The following HSD11B1 variants were observed in gnomAD, a reference collection of about 807,000 sequenced individuals.
The protein encoded by HSD11B1 is hydroxysteroid 11-beta dehydrogenase 1.
In HSD11B1, 15 loss-of-function variants were observed where a neutral mutation model predicts 22.1. That is an observed-to-expected ratio of 0.68 (90% CI 0.45 to 1.04). The LOEUF is 1.04. HSD11B1 is among the 50% of genes least tolerant of loss of function. HSD11B1 has a pLI of 0.00. For synonymous variants in HSD11B1, 122 were observed against 125.2 expected (o/e 0.97, Z 0.17); for missense variants, 281 against 357.6 (o/e 0.79, Z 1.73).
intron 4 of HSD11B1, among the ~76,000 whole-genome samples, chr1:209,720,161 C>T (rs2076956604): frequency 6.6e-6 from 1 of 151,948 alleles, no homozygotes; most frequent in African/African-American, 2.4e-5. Flanking sequence ...CTGATTATGA[C>T]AGGGAAAAGA....
chr1:209,725,336 CCTAT>C (rs553366895), intron 4 of HSD11B1, among the ~76,000 whole-genome samples: 3 of 152,182 alleles, frequency 2.0e-5, no homozygotes, highest in Non-Finnish European at 4.4e-5. Context: ...CTTCTCACTG[CCTAT>C]CTAACTCCTG....
Position 209,706,660 on chromosome 1 carries a change from C to T in HSD11B1, c.220-49C>T, listed in dbSNP as rs1217445448. On this transcript the variant is annotated intron_variant, in intron 2 of 5. Transcript: ENST00000367027. The surrounding 1 kb of genome is among the most constrained non-coding windows in gnomAD (Gnocchi z 4.0). ...CCCCCGTTACTTCAGAGACTACCCC[C>T]CAAAAATCTGCAGCTAAGACTGATG... 2.3e-6 allele frequency: 3 copies of T among 1,319,072 alleles called. No homozygotes were observed. Among genetic ancestry groups the T allele is most frequent in the African/African-American group, 2.9e-5 (2 of 69,204 alleles). The allele number at this position is 1,319,072 out of a possible 1,614,324, so 81.7% of individuals were successfully genotyped here.
chr1:209,733,055 A>G (rs1279512147), intron 5 of HSD11B1, among the ~76,000 whole-genome samples: 2 of 152,174 alleles, frequency 1.3e-5, no homozygotes, highest in East Asian at 3.9e-4. Flanking sequence ...TTTGATTACC[A>G]AGGTGGCTGA....
intron 1 of HSD11B1, among the ~76,000 whole-genome samples, chr1:209,693,804 T>C (rs1161080480): frequency 6.6e-6 from 1 of 152,218 alleles, no homozygotes; most frequent in South Asian, 2.1e-4. Context: ...CTCAAAATTG[T>C]GGACCAGTAA....
At chr1:209,717,843 G>T (rs2076939163) in intron 4 of HSD11B1, among the ~76,000 whole-genome samples, 1 of 135,258 alleles carries the variant, frequency 7.4e-6, no homozygotes, top group African/African-American at 3.0e-5. Context: ...CTGCACTCCA[G>T]CCTGGGAGAC....
At chr1:209,713,338 T>C (rs1388600246) in intron 4 of HSD11B1, among the ~76,000 whole-genome samples, 1 of 152,212 alleles carries the variant, frequency 6.6e-6, no homozygotes, top group Non-Finnish European at 1.5e-5. Flanking sequence ...CAATGAATGA[T>C]TTTTGTTTTT....
chr1:209,695,490 T>C (rs1419089025), intron 1 of HSD11B1, among the ~76,000 whole-genome samples: 3 of 152,246 alleles, frequency 2.0e-5, no homozygotes, highest in East Asian at 3.9e-4. Flanking sequence ...ATAACAGTCA[T>C]TGGAGAACAG....
At position 209,706,631 on chromosome 1, in the gene HSD11B1, A is replaced by T; in HGVS notation, c.220-78A>T. ...CAGGGCTGTGAGCAATCTCTCATTT[A>T]AGCCCCCCGTTACTTCAGAGACTAC... On this transcript the variant is annotated intron_variant, in intron 2 of 5. Transcript: ENST00000367027. The surrounding 1 kb of genome is among the most constrained non-coding windows in gnomAD (Gnocchi z 4.0). The T allele has an allele frequency of 1.1e-6, 1 of 911,424 alleles. No homozygotes were observed. The highest frequency in any genetic ancestry group is 1.8e-6 in the Non-Finnish European group (1 of 541,056). 56.5% of individuals were successfully genotyped at this position (911,424 alleles called of 1,614,324 possible).
At chr1:209,720,919 T>C (rs1420416575) in intron 4 of HSD11B1, among the ~76,000 whole-genome samples, 3 of 152,174 alleles carry the variant, frequency 2.0e-5, no homozygotes, top group Non-Finnish European at 4.4e-5. Flanking sequence ...AAGTTAAGGA[T>C]CTTGTGATGA....
intron 4 of HSD11B1, among the ~76,000 whole-genome samples, chr1:209,714,229 T>C (rs2076916221): frequency 6.6e-6 from 1 of 152,172 alleles, no homozygotes; most frequent in African/African-American, 2.4e-5. Flanking sequence ...ACAACCTAAG[T>C]AGCAACAAAC....
chr1:209,710,600 A>G (rs2076888728), intron 4 of HSD11B1, among the ~76,000 whole-genome samples: 1 of 152,242 alleles, frequency 6.6e-6, no homozygotes, highest in Non-Finnish European at 1.5e-5. Flanking sequence ...AATACTACTC[A>G]TAACTACTAA....
chr1:209,725,472 T>C, intron 4 of HSD11B1, among the ~76,000 whole-genome samples: 1 of 152,220 alleles, frequency 6.6e-6, no homozygotes, highest in East Asian at 1.9e-4. Context: ...AATATCATTC[T>C]TTACCTAAAC....
At chr1:209,729,091 G>T (rs1468069868) in intron 4 of HSD11B1, among the ~76,000 whole-genome samples, 1 of 152,170 alleles carries the variant, frequency 6.6e-6, no homozygotes, top group East Asian at 1.9e-4. Flanking sequence ...AGGCATAGTG[G>T]CTCATGCCTG....
At chr1:209,695,829 A>C (rs1341874038) in intron 1 of HSD11B1, among the ~76,000 whole-genome samples, 1 of 152,328 alleles carries the variant, frequency 6.6e-6, no homozygotes, top group Middle Eastern at 3.4e-3. Context: ...AAAGTTAAAC[A>C]TAAATTTACC....
chr1:209,707,218 T>G lies in HSD11B1; in HGVS notation c.517+90T>G, dbSNP rs547644175. The stretch of plus-strand genomic sequence containing the variant: ...GCTCTGAAGTAGACATAAATTTTTA[T>G]CAGTTTCCATGCAGAGAAGTAATGA... On this transcript the variant is annotated intron_variant, in intron 4 of 5. Transcript: ENST00000367027. The G allele has an allele frequency of 3.7e-6, 4 of 1,092,654 alleles. No homozygotes were observed. The South Asian group carries it at 3.9e-5, about 11-fold the overall frequency. The allele number at this position is 1,092,654 out of a possible 1,614,324, so 67.7% of individuals were successfully genotyped here.
intron 1 of HSD11B1, among the ~76,000 whole-genome samples, 192 bp downstream of exon 1, chr1:209,705,222 C>A (rs558319928): frequency 6.6e-6 from 1 of 151,986 alleles, no homozygotes; most frequent in East Asian, 1.9e-4. Flanking sequence ...GAAGGGTAAT[C>A]GTGTAGCCAA....
At chr1:209,721,245 T>C (rs181008347) in intron 4 of HSD11B1, among the ~76,000 whole-genome samples, 1 of 152,270 alleles carries the variant, frequency 6.6e-6, no homozygotes, top group African/African-American at 2.4e-5. Flanking sequence ...ATGACAGCCC[T>C]AGGAAACTAA....
At chr1:209,697,863 G>A (rs2076799974) in intron 1 of HSD11B1, among the ~76,000 whole-genome samples, 1 of 75,394 alleles carries the variant, frequency 1.3e-5, no homozygotes, top group Admixed American at 1.5e-4. Flanking sequence ...AACAATGAAT[G>A]ATTAATGGTT....
At chr1:209,713,558 A>G (rs2076911641) in intron 4 of HSD11B1, among the ~76,000 whole-genome samples, 1 of 152,210 alleles carries the variant, frequency 6.6e-6, no homozygotes, top group Non-Finnish European at 1.5e-5. Context: ...ATAATCATAT[A>G]CACACACCCT....
Sources: gnomAD v4.1 joint callset for allele counts (sites outside exome capture counted in the v4.1 genomes callset) on GRCh38, gnomAD v4.1.1 for gene constraint, Gnocchi (gnomAD v3.1) non-coding constraint, MANE v1.5 for transcripts, NCBI Gene and HGNC (gene_info 2026-07-23, HGNC 2026-07-21) for gene names.